SLC7A10: variants seen among roughly 807,000 people sequenced by gnomAD.
SLC7A10 encodes asc-type amino acid transporter 1.
SLC7A10 carries 30 observed loss-of-function variants against 52.7 expected under a neutral mutation model. That is an observed-to-expected ratio of 0.57 (90% CI 0.43 to 0.77). The LOEUF is 0.77. Ranked by LOEUF, SLC7A10 falls within the 30% of genes least tolerant of loss-of-function variation. SLC7A10 has a pLI of 0.00. For missense variants in SLC7A10, 581 were observed against 698.5 expected (o/e 0.83, Z 1.90); for synonymous variants, 318 against 314.9 (o/e 1.01, Z -0.10).
intron 3 of SLC7A10, 93 bp from the exon 4 acceptor site, chr19:33,212,732 C>G (rs766324840): frequency 1.2e-6 from 2 of 1,608,000 alleles, no homozygotes; most frequent in Non-Finnish European, 1.7e-6. Context: ...GAATGGCATC[C>G]CCTATAGCAG....
intron 1 of SLC7A10, among the ~76,000 whole-genome samples, chr19:33,216,284 G>A (rs762556137): frequency 2.0e-5 from 3 of 152,286 alleles, no homozygotes; most frequent in Non-Finnish European, 4.4e-5. Context: ...CCCGTGAGGC[G>A]GGGCCAGCAA....
Position 33,210,922 on chromosome 19 carries a change from C to T in SLC7A10, c.1017-24G>A, listed in dbSNP as rs112874697. ...GCCTAGCGTTGGGGACAGATATGGG[C>T]ACTGGCCACATCCTGGGTCTCAGCT... is the stretch of plus-strand genomic sequence containing the variant. On this transcript the variant is annotated intron_variant, in intron 7 of 10. Coordinates refer to ENST00000253188, the MANE Select transcript of SLC7A10 (RefSeq NM_019849.3). This position sits in a 1 kb window ranked among gnomAD's most constrained non-coding sequence, Gnocchi z 5.6. 3 of 1,604,080 alleles carry T rather than the reference C, an allele frequency of 1.9e-6. No homozygotes were observed. The African/African-American group carries it at 4.0e-5, about 21-fold the overall frequency.
At chr19:33,216,938 GA>G (rs1974699475) in intron 1 of SLC7A10, among the ~76,000 whole-genome samples, 1 of 151,922 alleles carries the variant, frequency 6.6e-6, no homozygotes. Context: ...GCAGTGGTGC[GA>G]TCATAGCTTA....
At chr19:33,223,516 G>A (rs902472997) in intron 1 of SLC7A10, among the ~76,000 whole-genome samples, 2 of 152,048 alleles carry the variant, frequency 1.3e-5, no homozygotes, top group African/African-American at 4.8e-5. Context: ...AGTACATCAG[G>A]TGGGGAAGGC....
intron 5 of SLC7A10, 66 bp downstream of exon 5, chr19:33,212,226 G>A: frequency 1.3e-6 from 2 of 1,553,210 alleles, no homozygotes; most frequent in Non-Finnish European, 1.7e-6. Context: ...GGGCTGGGCG[G>A]AGAGGCTGCC....
chr19:33,219,477 G>C (rs1255235096), intron 1 of SLC7A10, among the ~76,000 whole-genome samples: 1 of 152,322 alleles, frequency 6.6e-6, no homozygotes, highest in Admixed American at 6.5e-5. Context: ...ATTTGGGGAG[G>C]GGGCAGGGAG....
At chr19:33,211,027 C>A (rs757506285) in intron 7 of SLC7A10, 129 bp from the exon 8 acceptor site, 1 of 1,001,662 alleles carries the variant, frequency 1.0e-6, no homozygotes, top group Non-Finnish European at 1.5e-6. Flanking sequence ...AGTTCTCCCC[C>A]TCATCCAGCC....
chr19:33,225,173 A>C (rs1974895243), intron 1 of SLC7A10, among the ~76,000 whole-genome samples: 1 of 152,242 alleles, frequency 6.6e-6, no homozygotes, highest in Non-Finnish European at 1.5e-5. Context: ...AGCCTGCCGC[A>C]GCCTGACCAG....
chr19:33,213,105 G>A, intron 2 of SLC7A10, 103 bp from the exon 3 acceptor site: 1 of 1,494,258 alleles, frequency 6.7e-7, no homozygotes, highest in Non-Finnish European at 9.1e-7. Flanking sequence ...TGGCGCCCGG[G>A]GGCTGGCGAG....
intron 2 of SLC7A10, among the ~76,000 whole-genome samples, chr19:33,213,584 A>G (rs1277093837): frequency 6.6e-6 from 1 of 152,150 alleles, no homozygotes; most frequent in Non-Finnish European, 1.5e-5. Flanking sequence ...CACTGCGCCC[A>G]GTCACCAAAT....
chr19:33,209,563 A>G (rs1974494186), intron 9 of SLC7A10, 78 bp from the exon 10 acceptor site: 2 of 1,484,506 alleles, frequency 1.3e-6, no homozygotes, highest in Admixed American at 3.9e-5. Context: ...GGGTCTGGGG[A>G]ATTTTCCTCC....
intron 1 of SLC7A10, 134 bp downstream of exon 1, chr19:33,225,419 G>C: frequency 8.9e-7 from 1 of 1,121,900 alleles, no homozygotes; most frequent in Admixed American, 2.0e-5. Context: ...CGGTCATAGC[G>C]CTCTCTGAGG....
chr19:33,215,661 C>A (rs529318879), intron 2 of SLC7A10, 108 bp downstream of exon 2: 2 of 1,164,908 alleles, frequency 1.7e-6, no homozygotes, highest in Non-Finnish European at 2.3e-6. Flanking sequence ...TCCACCCCCA[C>A]GACCTCCCTA....
Position 33,210,579 on chromosome 19 carries a change from G to A in SLC7A10, c.1151C>T (p.Thr384Met), listed in dbSNP as rs1429658271. The change falls in exon 9 of 11, where the codon ACG becomes ATG. Residue 384 changes from threonine to methionine, a missense_variant. Physicochemically the swap from Thr to Met is moderately conservative, Grantham distance 81. Transcript: ENST00000253188. The surrounding 1 kb of genome is among the most constrained non-coding windows in gnomAD (Gnocchi z 5.6). The stretch of plus-strand genomic sequence containing the variant: ...GGACACATAGTTGATGAGCGTGTAC[G>A]TGTCGCCCACGAGCATGATGACGGC... ...ATAVIMLVGD[T>M]YTLINYVSFI... is the part of the protein sequence containing the mutation. 1.2e-6 allele frequency: 2 copies of A among 1,612,072 alleles called. No individual in the cohort carries two copies. The highest frequency in any genetic ancestry group is 1.1e-5 in the South Asian group (1 of 91,090).
Position 33,212,594 on chromosome 19 carries a change from C to T in SLC7A10, c.554G>A (p.Arg185His), listed in dbSNP as rs147450851. ...VNSSSVRWAT[R>H]IQDMFTGGKL... Reference sequence around the variant, plus strand: ...CCCGCCTGTGAACATGTCCTGGATGCGCGTGGCCCAGCGCACACTGGAGCT... The same window carrying T: ...CCCGCCTGTGAACATGTCCTGGATGTGCGTGGCCCAGCGCACACTGGAGCT... The change falls in exon 4 of 11, where the codon CGC becomes CAC. Residue 185 changes from arginine to histidine, a missense_variant. Physicochemically the swap from Arg to His is conservative, Grantham distance 29. Transcript: ENST00000253188. 9.3e-6 allele frequency: 15 copies of T among 1,613,822 alleles called. No homozygotes were observed. The highest frequency in any genetic ancestry group is 5.3e-5 in the African/African-American group (4 of 74,942).
chr19:33,215,764 C>T lies in SLC7A10; in HGVS notation c.356+5G>A, dbSNP rs1185710876. Reference sequence around the variant, plus strand: ...TCCCCCTGCCCGCTGGTGCCCCACACTCACCCAGCCAGGCCCCCGAAGATC... The same window carrying T: ...TCCCCCTGCCCGCTGGTGCCCCACATTCACCCAGCCAGGCCCCCGAAGATC... On this transcript the variant is annotated splice_donor_5th_base_variant and intron_variant, in intron 2 of 10. Coordinates refer to ENST00000253188, the MANE Select transcript of SLC7A10 (RefSeq NM_019849.3). The T allele has an allele frequency of 6.4e-7, 1 of 1,553,518 alleles. No homozygotes were observed. The highest frequency in any genetic ancestry group is 8.7e-7 in the Non-Finnish European group (1 of 1,148,180).
At chr19:33,211,952 A>C in intron 5 of SLC7A10, 1 of 486,410 alleles carries the variant, frequency 2.1e-6, no homozygotes, top group Non-Finnish European at 3.7e-6. Context: ...GCCGAGCATC[A>C]GACGCAGTCA....
chr19:33,217,050 T>C (rs1974702542), intron 1 of SLC7A10, among the ~76,000 whole-genome samples: 3 of 150,876 alleles, frequency 2.0e-5, no homozygotes, highest in Non-Finnish European at 4.4e-5. Flanking sequence ...TTTTTTTTTT[T>C]ACTTTTTGTA....
chr19:33,225,528 G>T lies in SLC7A10; in HGVS notation c.151+25C>A, dbSNP rs753503331. 1.3e-5 allele frequency: 21 copies of T among 1,594,212 alleles called. No individual in the cohort carries two copies. In the South Asian group the frequency reaches 2.3e-4, roughly 18 times the overall value. On this transcript the variant is annotated intron_variant, in intron 1 of 10. Coordinates refer to ENST00000253188, the MANE Select transcript of SLC7A10 (RefSeq NM_019849.3). ...GCCCCTCATTCGGCCTCCGCCCGGC[G>T]CCCGCCCGCCTGGGTCCCGCTCACC... is the stretch of plus-strand genomic sequence containing the variant.
Sources: allele counts gnomAD v4.1 joint callset (sites outside exome capture counted in the v4.1 genomes callset), GRCh38; gene constraint gnomAD v4.1.1; non-coding constraint Gnocchi (gnomAD v3.1); transcripts MANE v1.5; gene names NCBI Gene and HGNC (gene_info 2026-07-23, HGNC 2026-07-21).